Variants in RALYL observed in about 807,000 individuals in gnomAD.
RALYL encodes RALY RNA binding protein like, also known as RNA-binding Raly-like protein.
In RALYL, 29 loss-of-function variants were observed where a neutral mutation model predicts 35.1. The ratio of observed to expected loss-of-function variants is 0.83; its 90% confidence interval spans 0.61 to 1.13. The LOEUF is 1.13. Among genes scored for constraint, RALYL ranks in the 50% most tolerant of loss-of-function variants. The pLI, the probability that RALYL is intolerant of heterozygous loss-of-function variation, is 0.00. For synonymous variants in RALYL, 120 were observed against 127.6 expected, an observed-to-expected ratio of 0.94 and a Z score of 0.40; for missense variants, 359 against 360.4, an observed-to-expected ratio of 1.00 and a Z score of 0.03.
intron 2 of RALYL, among the ~76,000 whole-genome samples, chr8:84,732,670 A>ATG (rs1846420338): frequency 7.3e-6 from 1 of 136,176 alleles, no homozygotes; most frequent in Non-Finnish European, 1.6e-5. Context: ...TTAAATAATT[A>ATG]TATATATATA....
At chr8:84,641,426 AT>A (rs1826298034) in intron 2 of RALYL, among the ~76,000 whole-genome samples, 1 of 151,722 alleles carries the variant, frequency 6.6e-6, no homozygotes, top group South Asian at 2.1e-4. Flanking sequence ...TTTAGAAACA[AT>A]TTTCCTACAT....
intron 1 of RALYL, among the ~76,000 whole-genome samples, chr8:84,443,068 T>A (rs1220206248): frequency 6.6e-6 from 1 of 152,148 alleles, no homozygotes; most frequent in Non-Finnish European, 1.5e-5. Context: ...TTGTAAGGAC[T>A]TAGTACAAGT....
intron 8 of RALYL, among the ~76,000 whole-genome samples, chr8:84,890,476 G>A (rs576461429): frequency 2.2e-4 from 33 of 152,304 alleles, no homozygotes; most frequent in African/African-American, 7.9e-4. Context: ...AGTGTTAGTA[G>A]CCAGTTAAGG....
At chr8:84,664,953 G>T (rs543674020) in intron 2 of RALYL, among the ~76,000 whole-genome samples, 1 of 152,268 alleles carries the variant, frequency 6.6e-6, no homozygotes, top group East Asian at 1.9e-4. Context: ...CATGATATTG[G>T]TTGTGGGTTT....
chr8:84,482,620 A>T (rs1315331356), intron 1 of RALYL, among the ~76,000 whole-genome samples: 4 of 152,070 alleles, frequency 2.6e-5, no homozygotes, highest in African/African-American at 9.7e-5. Flanking sequence ...CAGAACACAG[A>T]TATCCAAAAC....
chr8:84,844,348 T>G lies in RALYL; in HGVS notation c.366-5632T>G, dbSNP rs374580286. On this transcript the variant is annotated intron_variant, in intron 4 of 8. Coordinates refer to ENST00000521268, the MANE Select transcript of RALYL (RefSeq NM_173848.7). ...CTTCTCAAAAGAAGACATTTATGCA[T>G]CCAAAAAACACATGAAAAAATGCTC... is the stretch of plus-strand genomic sequence containing the variant. Among the ~76,000 whole-genome samples the G allele has an allele frequency of 3.1e-3, 471 of 151,992 alleles. 1 individual carries two copies. Among genetic ancestry groups the G allele is most frequent in the African/African-American group, 0.011 (450 of 41,464 alleles).
intron 1 of RALYL, among the ~76,000 whole-genome samples, chr8:84,431,598 G>C (rs1056504567): frequency 6.6e-6 from 1 of 152,026 alleles, no homozygotes; most frequent in African/African-American, 2.4e-5. Flanking sequence ...CTGTTCTCTA[G>C]TTGTATAGTA....
intron 1 of RALYL, among the ~76,000 whole-genome samples, chr8:84,328,108 A>T (rs1846151671): frequency 1.3e-5 from 2 of 152,172 alleles, no homozygotes; most frequent in African/African-American, 4.8e-5. Flanking sequence ...TTACGGTAAC[A>T]TTAATTATTG....
intron 1 of RALYL, among the ~76,000 whole-genome samples, chr8:84,378,484 A>C (rs1857350922): frequency 6.6e-6 from 1 of 151,928 alleles, no homozygotes; most frequent in African/African-American, 2.4e-5. Flanking sequence ...ATATATGTAC[A>C]TTTAAAGTTC....
chr8:84,454,898 C>A (rs1255850788), intron 1 of RALYL, among the ~76,000 whole-genome samples: 1 of 152,008 alleles, frequency 6.6e-6, no homozygotes. Context: ...TTGTGTATAG[C>A]AGGTTTTGCT....
chr8:84,729,787 A>G (rs2132812683), intron 2 of RALYL, among the ~76,000 whole-genome samples: 1 of 152,306 alleles, frequency 6.6e-6, no homozygotes, highest in East Asian at 1.9e-4. Flanking sequence ...AATCTAGAAG[A>G]AATGGATAAA....
chr8:84,433,768 A>G (rs1191521998), intron 1 of RALYL, among the ~76,000 whole-genome samples: 1 of 151,604 alleles, frequency 6.6e-6, no homozygotes, highest in Non-Finnish European at 1.5e-5. Flanking sequence ...GTATGTCTTT[A>G]TCAGCAGCAT....
intron 1 of RALYL, among the ~76,000 whole-genome samples, chr8:84,403,599 T>A (rs1284990046): frequency 6.8e-6 from 1 of 148,114 alleles, no homozygotes; most frequent in Non-Finnish European, 1.5e-5. Context: ...TGTAGTATAG[T>A]TTGAAGTCAG....
chr8:84,648,073 A>T (rs935656974), intron 2 of RALYL, among the ~76,000 whole-genome samples: 5 of 151,702 alleles, frequency 3.3e-5, no homozygotes, highest in African/African-American at 4.8e-5. Context: ...TGTGTTAGGG[A>T]CTCTCCAGCA....
At chr8:84,808,295 C>T (rs571170413) in intron 4 of RALYL, among the ~76,000 whole-genome samples, 23 of 152,114 alleles carry the variant, frequency 1.5e-4, no homozygotes, top group East Asian at 1.2e-3. Flanking sequence ...TTTGCTTTGT[C>T]GAAGATCATT....
chr8:84,702,539 T>TCTCACACA (rs143400097), intron 2 of RALYL, among the ~76,000 whole-genome samples: 1 of 136,462 alleles, frequency 7.3e-6, no homozygotes, highest in African/African-American at 3.1e-5. Flanking sequence ...TCTCTCTCTC[T>TCTCACACA]CACACACACA....
At chr8:84,791,322 GT>G (rs1234241122) in intron 3 of RALYL, among the ~76,000 whole-genome samples, 1 of 152,108 alleles carries the variant, frequency 6.6e-6, no homozygotes, top group Non-Finnish European at 1.5e-5. Context: ...ATTCTCATGT[GT>G]TTTAAAAAGC....
intron 1 of RALYL, among the ~76,000 whole-genome samples, chr8:84,227,457 T>C (rs1239007732): frequency 6.6e-6 from 1 of 152,224 alleles, no homozygotes; most frequent in Non-Finnish European, 1.5e-5. Context: ...TAGTTCTTGC[T>C]AGCTCAGTCT....
intron 1 of RALYL, among the ~76,000 whole-genome samples, chr8:84,332,047 G>A (rs192894874): frequency 2.0e-5 from 3 of 152,176 alleles, no homozygotes; most frequent in East Asian, 1.9e-4. Flanking sequence ...TTGTGGTCCC[G>A]AATCCTCTTT....
Sources: allele counts gnomAD v4.1 joint callset (sites outside exome capture counted in the v4.1 genomes callset), GRCh38; gene constraint gnomAD v4.1.1; transcripts MANE v1.5; gene names NCBI Gene and HGNC (gene_info 2026-07-23, HGNC 2026-07-21).